The following ZNF622 variants were observed in gnomAD, a reference collection of about 807,000 sequenced individuals.
ZNF622 encodes the protein cytoplasmic 60S subunit biogenesis factor ZNF622.
ZNF622 carries 34 observed loss-of-function variants against 49.7 expected under a neutral mutation model. That is an observed-to-expected ratio of 0.68 (90% CI 0.52 to 0.91). The LOEUF (loss-of-function observed/expected upper bound fraction) is 0.91, where lower values mean the gene tolerates loss of function less well. Among genes scored for constraint, ZNF622 ranks in the 40% least tolerant of loss-of-function variants. The probability of loss-of-function intolerance (pLI) is 0.00; values close to 1 mark genes in which losing one functional copy is unlikely to be tolerated. For synonymous variants in ZNF622, 209 were observed against 228.7 expected, an observed-to-expected ratio of 0.91 and a Z score of 0.78; for missense variants, 569 against 616.4, an observed-to-expected ratio of 0.92 and a Z score of 0.81.
chr5:16,464,372 C>G (rs1461759026), intron 1 of ZNF622, among the ~76,000 whole-genome samples: 2 of 152,166 alleles, frequency 1.3e-5, no homozygotes, highest in East Asian at 3.9e-4. Context: ...CAGGCCCTCA[C>G]CAGACACTGA....
chr5:16,458,742 G>T, intron 3 of ZNF622, 113 bp from the exon 4 acceptor site: 1 of 680,810 alleles, frequency 1.5e-6, no homozygotes. Context: ...AGGGAGAGGG[G>T]AGGAAGCAGC....
At chr5:16,460,321 T>C (rs914082197) in intron 3 of ZNF622, among the ~76,000 whole-genome samples, 2 of 152,234 alleles carry the variant, frequency 1.3e-5, no homozygotes, top group Non-Finnish European at 2.9e-5. Flanking sequence ...GGGCCAGCTG[T>C]ATACATATAT....
chr5:16,452,307 C>T (rs1235716917), intron 5 of ZNF622, among the ~76,000 whole-genome samples: 1 of 152,088 alleles, frequency 6.6e-6, no homozygotes, highest in Non-Finnish European at 1.5e-5. Context: ...AGATGCTTTC[C>T]CTGAAGATCT....
At chr5:16,454,283 C>T (rs1399023211) in intron 4 of ZNF622, among the ~76,000 whole-genome samples, 8 of 152,008 alleles carry the variant, frequency 5.3e-5, no homozygotes, top group South Asian at 2.1e-4. Flanking sequence ...GTCAGGAGAT[C>T]GAGACCATCC....
Position 16,451,588 on chromosome 5 carries a change from G to A in ZNF622, c.*69C>T, listed in dbSNP as rs575626214. The A allele has an allele frequency of 5.8e-5, 92 of 1,577,054 alleles. 1 individual carries two copies. Among genetic ancestry groups the A allele is most frequent in the Middle Eastern group, 1.8e-4 (1 of 5,546 alleles). The stretch of plus-strand genomic sequence containing the variant: ...AGCAAAAGGGTCTCTCCTATGATCT[G>A]TCTTTCACTGGTCCTCAGGGCAAGG... On this transcript the variant is annotated 3_prime_UTR_variant, in exon 6 of 6. Coordinates refer to ENST00000308683, the MANE Select transcript of ZNF622 (RefSeq NM_033414.3).
chr5:16,454,488 C>CAA (rs34774848), intron 4 of ZNF622, among the ~76,000 whole-genome samples: 32,084 of 66,680 alleles, frequency 0.48, 5,657 homozygotes, highest in Middle Eastern at 0.57. Flanking sequence ...ACTCCGTCTC[C>CAA]AAAAAAAAAA....
chr5:16,463,489 T>A lies in ZNF622; in HGVS notation c.879A>T (p.Lys293Asn), dbSNP rs375839789. The change falls in exon 2 of 6, where the codon AAA becomes AAT. Residue 293 changes from lysine to asparagine, a missense_variant. By Grantham distance (94) the Lys-to-Asn change is moderately conservative. Coordinates refer to ENST00000308683, the MANE Select transcript of ZNF622 (RefSeq NM_033414.3). This position sits in a 1 kb window ranked among gnomAD's most constrained non-coding sequence, Gnocchi z 4.2. ...GAAAACTATTGTACTTACCCAAGTA[T>A]TTAATCAGTCCCTTAATATCTGAAA... is the stretch of plus-strand genomic sequence containing the variant. ...EYLSDIKGLI[K>N]YLGEKVGVGK... The A allele has an allele frequency of 2.7e-5, 44 of 1,612,352 alleles. No individual in the cohort carries two copies. Among genetic ancestry groups the A allele is most frequent in the Non-Finnish European group, 3.2e-5 (38 of 1,178,618 alleles).
In ZNF622 at chr5:16,453,055, C is replaced by T. The variant is rs1459757740; in HGVS notation, c.1264G>A (p.Val422Ile). ...VAKNRKAVGR[V>I]LQQYRALGWT... is the part of the protein sequence containing the mutation. ...CCCAGGGCTCTGTACTGCTGAAGTA[C>T]TCGGCCCACGGCCTTCCGATTTTTG... Residue 422 changes from valine (V) to isoleucine (I), a missense_variant, in exon 5 of 6, where the codon GTA becomes ATA. Transcript: ENST00000308683. 9.5e-6 allele frequency: 15 copies of T among 1,576,666 alleles called. No homozygotes were observed. The highest frequency in any genetic ancestry group is 1.3e-5 in the Non-Finnish European group (15 of 1,157,986).
Position 16,451,854 on chromosome 5 carries a change from G to A in ZNF622, c.1307-70C>T, listed in dbSNP as rs1490404037. The A allele has an allele frequency of 5.2e-6, 8 of 1,548,394 alleles. No homozygotes were observed. In the Admixed American group the frequency reaches 1.6e-4, roughly 31 times the overall value. On this transcript the variant is annotated intron_variant, in intron 5 of 5. Transcript: ENST00000308683. ...TTGTGATCAGAGAAAATCCAACCTT[G>A]GCAGAGAATTCAAAAGGTTAGTTTG...
chr5:16,460,701 GCTGA>G (rs1738108261), intron 3 of ZNF622, among the ~76,000 whole-genome samples: 1 of 151,940 alleles, frequency 6.6e-6, no homozygotes, highest in South Asian at 2.1e-4. Context: ...ACCACACTTG[GCTGA>G]CTTTTATTTT....
rs556926967 is a variant in ZNF622 at position 16,458,745 on chromosome 5, G to A, written c.1050-116C>T. 4.5e-6 allele frequency: 3 copies of A among 662,550 alleles called. No homozygotes were observed. The South Asian group carries it at 6.5e-5, about 14-fold the overall frequency. The allele number at this position is 662,550 out of a possible 1,614,324, so 41.0% of individuals were successfully genotyped here. On this transcript the variant is annotated intron_variant, in intron 3 of 5. Transcript: ENST00000308683. ...AAGCTACCTAAAAGGGAGAGGGGAG[G>A]AAGCAGCTGTAGGAACTACCAGCTA...
chr5:16,458,878 GAGA>G (rs570602716), intron 3 of ZNF622, among the ~76,000 whole-genome samples: 10 of 152,180 alleles, frequency 6.6e-5, no homozygotes, highest in Non-Finnish European at 8.8e-5. Flanking sequence ...CTGTCTAACA[GAGA>G]AGAAGGAGAA....
chr5:16,453,753 G>C (rs1453638260), intron 4 of ZNF622, among the ~76,000 whole-genome samples: 1 of 151,702 alleles, frequency 6.6e-6, no homozygotes. Flanking sequence ...GGGACATTGG[G>C]CACTGACTGA....
intron 3 of ZNF622, among the ~76,000 whole-genome samples, chr5:16,460,191 C>T (rs1298145237): frequency 6.6e-6 from 1 of 152,124 alleles, no homozygotes; most frequent in Non-Finnish European, 1.5e-5. Context: ...AGTTGTTACA[C>T]AGTACTAAAC....
chr5:16,452,898 T>C (rs1353565814), intron 5 of ZNF622, 115 bp downstream of exon 5: 6 of 1,158,632 alleles, frequency 5.2e-6, no homozygotes, highest in Admixed American at 6.9e-5. Context: ...GCCAAGACGT[T>C]ACGTTTCCCC....
At chr5:16,461,019 C>T (rs865980632) in intron 3 of ZNF622, among the ~76,000 whole-genome samples, 1 of 151,924 alleles carries the variant, frequency 6.6e-6, no homozygotes, top group Non-Finnish European at 1.5e-5. Flanking sequence ...AAAAATAAAA[C>T]AGGATAAAAA....
chr5:16,465,792 A>G lies in ZNF622; in HGVS notation c.-127T>C. Reference sequence around the variant, plus strand: ...AGCCACTCGACACGCCGACTTCCTGATTGTCACTGAGGAAACTTCCGGCAC... The same window carrying G: ...AGCCACTCGACACGCCGACTTCCTGGTTGTCACTGAGGAAACTTCCGGCAC... On this transcript the variant is annotated 5_prime_UTR_variant, in exon 1 of 6. Transcript: ENST00000308683. This position sits in a 1 kb window ranked among gnomAD's most constrained non-coding sequence, Gnocchi z 6.2. The G allele has an allele frequency of 2.3e-6, 3 of 1,278,832 alleles. No homozygotes were observed. 79.2% of individuals were successfully genotyped at this position (1,278,832 alleles called of 1,614,324 possible).
intron 4 of ZNF622, 28 bp downstream of exon 4, chr5:16,458,489 G>A: frequency 6.8e-7 from 1 of 1,479,232 alleles, no homozygotes; most frequent in South Asian, 1.1e-5. Context: ...CTGGCATTAA[G>A]CTATTTATTT....
At chr5:16,452,910 A>C in intron 5 of ZNF622, 103 bp downstream of exon 5, 21 of 1,234,660 alleles carry the variant, frequency 1.7e-5, no homozygotes, top group Non-Finnish European at 2.0e-5. Flanking sequence ...CGTTTCCCCT[A>C]GAGAGAATCC....
Sources: gnomAD v4.1 joint callset for allele counts (sites outside exome capture counted in the v4.1 genomes callset) on GRCh38, gnomAD v4.1.1 for gene constraint, Gnocchi (gnomAD v3.1) non-coding constraint, MANE v1.5 for transcripts, NCBI Gene and HGNC (gene_info 2026-07-23, HGNC 2026-07-21) for gene names.